Variants in HIVEP3 observed in about 807,000 individuals in gnomAD.
The protein encoded by HIVEP3 is transcription factor HIVEP3.
A neutral mutation model predicts 152.8 loss-of-function variants in HIVEP3; 49 were observed. That is an observed-to-expected ratio of 0.32 (90% CI 0.26 to 0.41). The LOEUF is 0.41. Among genes scored for constraint, HIVEP3 ranks in the 10% least tolerant of loss-of-function variants. The pLI, the probability that HIVEP3 is intolerant of heterozygous loss-of-function variation, is 1.00. For synonymous variants in HIVEP3, 1,269 were observed against 1,289.0 expected (o/e 0.98, Z 0.33); for missense variants, 2,790 against 3,103.3 (o/e 0.90, Z 2.40).
At chr1:41,646,267 G>C (rs1645457773) in intron 2 of HIVEP3, among the ~76,000 whole-genome samples, 1 of 152,186 alleles carries the variant, frequency 6.6e-6, no homozygotes, top group South Asian at 2.1e-4. Flanking sequence ...AGGAGGGAAG[G>C]GTTGGCTCAA....
chr1:41,910,427 C>T (rs1644777467), intron 1 of HIVEP3, among the ~76,000 whole-genome samples: 1 of 151,880 alleles, frequency 6.6e-6, no homozygotes, highest in Non-Finnish European at 1.5e-5. Context: ...TAAAAATCTT[C>T]AGGAAAGAAA....
intron 1 of HIVEP3, among the ~76,000 whole-genome samples, chr1:41,708,521 T>A (rs2124142676): frequency 6.6e-6 from 1 of 152,328 alleles, no homozygotes; most frequent in Non-Finnish European, 1.5e-5. Flanking sequence ...CATTCTTCCA[T>A]CTCTGTGGCC....
At position 41,558,140 on chromosome 1, in the gene HIVEP3, T is replaced by G. The variant is rs542997005; in HGVS notation, c.5207+17404A>C. Reference sequence around the variant, plus strand: ...TCCTCCTAAGTGAAAGGGGAGGGAGTGGCCTCTCAGGTGCCCCACCTCCTC... The same window carrying G: ...TCCTCCTAAGTGAAAGGGGAGGGAGGGGCCTCTCAGGTGCCCCACCTCCTC... On this transcript the variant is annotated intron_variant, in intron 5 of 8. Transcript: ENST00000372583. 9.9e-5 allele frequency among the ~76,000 whole-genome samples: 15 copies of G among 152,062 alleles called. No individual in the cohort carries two copies. The South Asian group carries it at 2.7e-3, about 27-fold the overall frequency.
chr1:41,541,682 C>A (rs1643535446), intron 5 of HIVEP3, among the ~76,000 whole-genome samples: 1 of 152,206 alleles, frequency 6.6e-6, no homozygotes, highest in Admixed American at 6.5e-5. Flanking sequence ...CAGAGCTGGG[C>A]TTACCAGACA....
intron 1 of HIVEP3, chr1:41,847,920 G>T (rs979510579): frequency 6.6e-5 from 10 of 152,456 alleles, no homozygotes; most frequent in Admixed American, 3.9e-4. Flanking sequence ...CACTGATCTG[G>T]CCAGGCAGCC....
At chr1:41,654,373 T>C (rs558484276) in intron 2 of HIVEP3, among the ~76,000 whole-genome samples, 1 of 152,294 alleles carries the variant, frequency 6.6e-6, no homozygotes, top group African/African-American at 2.4e-5. Flanking sequence ...GTAACAGAGA[T>C]TTAATTACTT....
intron 3 of HIVEP3, among the ~76,000 whole-genome samples, chr1:41,614,059 G>A (rs1044047538): frequency 3.9e-5 from 6 of 152,194 alleles, no homozygotes; most frequent in African/African-American, 1.4e-4. Context: ...GGAGCTGGCC[G>A]CTCTGAGCCA....
chr1:41,773,865 TC>T (rs1350079977), intron 1 of HIVEP3, among the ~76,000 whole-genome samples: 1 of 152,236 alleles, frequency 6.6e-6, no homozygotes, highest in East Asian at 1.9e-4. Flanking sequence ...AGTTAAGAAT[TC>T]TAAAATAGAT....
At chr1:41,656,317 T>C (rs1163759166) in intron 2 of HIVEP3, among the ~76,000 whole-genome samples, 1 of 152,136 alleles carries the variant, frequency 6.6e-6, no homozygotes, top group Non-Finnish European at 1.5e-5. Flanking sequence ...ACCCAGGGGA[T>C]CCCTCAGGCC....
At chr1:41,653,543 T>C (rs2124022062) in intron 2 of HIVEP3, among the ~76,000 whole-genome samples, 1 of 152,258 alleles carries the variant, frequency 6.6e-6, no homozygotes. Flanking sequence ...CTTCTTTATT[T>C]CATAAGATCA....
chr1:41,721,559 T>G (rs1232109122), intron 1 of HIVEP3, among the ~76,000 whole-genome samples: 2 of 152,192 alleles, frequency 1.3e-5, no homozygotes, highest in Non-Finnish European at 2.9e-5. Flanking sequence ...CGTAGGTAGG[T>G]GCATAGGTTA....
intron 2 of HIVEP3, among the ~76,000 whole-genome samples, chr1:41,652,200 C>G (rs1287299085): frequency 6.6e-6 from 1 of 152,228 alleles, no homozygotes; most frequent in African/African-American, 2.4e-5. Flanking sequence ...AAGCCAACCA[C>G]TTCATCACGA....
chr1:41,610,624 C>A (rs1644883662), intron 3 of HIVEP3, among the ~76,000 whole-genome samples: 1 of 152,236 alleles, frequency 6.6e-6, no homozygotes, highest in African/African-American at 2.4e-5. Context: ...GGCCCACAGC[C>A]TTCTTCAGCT....
intron 2 of HIVEP3, among the ~76,000 whole-genome samples, chr1:41,637,450 C>G (rs972920003): frequency 6.6e-6 from 1 of 152,206 alleles, no homozygotes; most frequent in African/African-American, 2.4e-5. Flanking sequence ...CTCCCTGCCC[C>G]CCTCCCTCAA....
At chr1:41,679,551 G>A (rs369395027) in intron 2 of HIVEP3, among the ~76,000 whole-genome samples, 1 of 152,210 alleles carries the variant, frequency 6.6e-6, no homozygotes, top group East Asian at 1.9e-4. Flanking sequence ...GGGGACTGGT[G>A]GCAGGGATGG....
chr1:41,733,277 A>G (rs1464826785), intron 1 of HIVEP3, among the ~76,000 whole-genome samples: 1 of 152,144 alleles, frequency 6.6e-6, no homozygotes, highest in African/African-American at 2.4e-5. Context: ...AAGGGATGGG[A>G]TGTCCTTGGA....
chr1:41,684,047 C>A (rs1646079765), intron 2 of HIVEP3, among the ~76,000 whole-genome samples: 2 of 152,192 alleles, frequency 1.3e-5, no homozygotes, highest in African/African-American at 4.8e-5. Context: ...TTAAAAAAGA[C>A]CTTTGCCTGA....
At position 41,510,913 on chromosome 1, in the gene HIVEP3, G is replaced by C; in HGVS notation, c.6759C>G (p.Ser2253=). The stretch of plus-strand genomic sequence containing the variant: ...TGGAGACCTTAGCCACAGGCGACAC[G>C]GAGGCTGACGAGCTCTCAGTGGGAC... ...RWSPTESSSA[S]VSPVAKVSKF... is the part of the protein sequence containing the mutation. Residue 2253 remains serine, a synonymous_variant, in exon 9 of 9, where the codon TCC becomes TCG. Coordinates refer to ENST00000372583, the MANE Select transcript of HIVEP3 (RefSeq NM_024503.5). 6.2e-7 allele frequency: 1 copy of C among 1,613,548 alleles called. No homozygotes were observed.
intron 1 of HIVEP3, among the ~76,000 whole-genome samples, chr1:41,738,371 G>A (rs1250294224): frequency 2.6e-5 from 4 of 152,158 alleles, no homozygotes; most frequent in African/African-American, 7.2e-5. Flanking sequence ...ATGGGGTAGC[G>A]GGGCATCTTC....
Sources: allele counts gnomAD v4.1 joint callset (sites outside exome capture counted in the v4.1 genomes callset), GRCh38; gene constraint gnomAD v4.1.1; transcripts MANE v1.5; gene names NCBI Gene and HGNC (gene_info 2026-07-23, HGNC 2026-07-21).